C9orf72: variants seen among roughly 807,000 people sequenced by gnomAD.
C9orf72 encodes C9orf72-SMCR8 complex subunit.
Under a neutral mutation model 51.6 loss-of-function variants are expected in C9orf72, and 44 were observed. The ratio of observed to expected loss-of-function variants is 0.85; its 90% CI spans 0.67 to 1.10. The LOEUF (loss-of-function observed/expected upper bound fraction) is 1.10, where lower values mean the gene tolerates loss of function less well. Among genes scored for constraint, C9orf72 ranks in the 50% least tolerant of loss-of-function variants. The pLI is 0.00. For synonymous variants in C9orf72, 213 were observed against 194.2 expected (o/e 1.10, Z -0.81); for missense variants, 607 against 570.6 (o/e 1.06, Z -0.65).
chr9:27,567,105 G>A lies in C9orf72; in HGVS notation c.16C>T (p.Pro6Ser), dbSNP rs752995172. 3.1e-6 allele frequency: 5 copies of A among 1,613,002 alleles called. No homozygotes were observed. The highest frequency in any genetic ancestry group is 4.2e-6 in the Non-Finnish European group (5 of 1,179,404). MSTLCPPPSPAVAKTE... is the reference protein window; with the variant it reads MSTLCSPPSPAVAKTE... ...TTGGCAACAGCTGGAGATGGCGGTG[G>A]GCAAAGAGTCGACATCACTGCATTC... is the stretch of plus-strand genomic sequence containing the variant. Residue 6 changes from proline to serine, a missense_variant, in exon 2 of 11, where the codon CCA (proline) becomes TCA (serine). Pro to Ser is a moderately conservative substitution (Grantham distance 74). Transcript: ENST00000380003.
At position 27,548,395 on chromosome 9, in the gene C9orf72, A is replaced by G; in HGVS notation, c.1287T>C (p.Ser429=). 1 of 1,265,190 alleles carries G rather than the reference A, an allele frequency of 7.9e-7. No homozygotes were observed. Among genetic ancestry groups the G allele is most frequent in the Non-Finnish European group, 1.1e-6 (1 of 918,952 alleles). The allele number at this position is 1,265,190 out of a possible 1,614,324, so 78.4% of individuals were successfully genotyped here. The part of the protein sequence containing the change: ...DTQKGKKPFK[S]LRNLKIDLDL... ...CAAGGTCTATCTTCAGGTTCCGAAG[A>G]GATTTAAAGGGCTTTTTTCCCTTCT... Residue 429 remains serine, a synonymous_variant, in exon 11 of 11, where the codon TCT becomes TCC. Coordinates refer to ENST00000380003, the MANE Select transcript of C9orf72 (RefSeq NM_018325.5).
intron 3 of C9orf72, among the ~76,000 whole-genome samples, chr9:27,565,181 C>T (rs1819437132): frequency 6.6e-6 from 1 of 152,058 alleles, no homozygotes; most frequent in African/African-American, 2.4e-5. Context: ...CCTTCTGTTA[C>T]AGCTACTTCT....
At chr9:27,554,687 G>T (rs894934799) in intron 8 of C9orf72, 2 of 397,742 alleles carry the variant, frequency 5.0e-6, no homozygotes, top group Admixed American at 4.4e-5. Context: ...GCAGTGACTG[G>T]AATTATTTTA....
chr9:27,569,583 T>G (rs1466489706), intron 1 of C9orf72, among the ~76,000 whole-genome samples: 1 of 152,216 alleles, frequency 6.6e-6, no homozygotes, highest in Non-Finnish European at 1.5e-5. Context: ...ACGGCCTAGG[T>G]ACATAAAGGC....
In C9orf72 at chr9:27,562,381, A is replaced by C; in HGVS notation, c.600T>G (p.Asp200Glu). The C allele has an allele frequency of 6.5e-7, 1 of 1,542,292 alleles. No individual in the cohort carries two copies. The highest frequency in any genetic ancestry group is 8.9e-7 in the Non-Finnish European group (1 of 1,128,258). ...TATAATTGCTCTCATTTAAACTTAC[A>C]TCTATTTCTTCAGGAACACTGTGTG... ...MKSHSVPEEI[D>E]IADTVLNDDD... Residue 200 changes from aspartate (D) to glutamate (E), a missense_variant and splice_region_variant, in exon 4 of 11, where the codon GAT becomes GAG. Coordinates refer to ENST00000380003, the MANE Select transcript of C9orf72 (RefSeq NM_018325.5).
At chr9:27,550,575 C>T (rs769281398) in intron 9 of C9orf72, 75 bp downstream of exon 9, 112 of 871,674 alleles carry the variant, frequency 1.3e-4, no homozygotes, top group Non-Finnish European at 2.0e-4. Flanking sequence ...ATATATAGAA[C>T]AGGCATTGTA....
intron 1 of C9orf72, among the ~76,000 whole-genome samples, chr9:27,567,482 C>T (rs185105997): frequency 1.1e-4 from 17 of 152,210 alleles, no homozygotes; most frequent in Middle Eastern, 3.4e-3. Context: ...AGAATAGACC[C>T]GCAGTATTCC....
rs1442207917 is a variant in C9orf72, at chr9:27,546,862, A to G, written c.*1374T>C. The G allele has an allele frequency of 6.6e-6, 1 of 152,208 alleles. No homozygotes were observed. The highest frequency in any genetic ancestry group is 2.4e-5 in the African/African-American group (1 of 41,456). 9.4% of individuals were successfully genotyped at this position (152,208 alleles called of 1,614,324 possible). On this transcript the variant is annotated 3_prime_UTR_variant, in exon 11 of 11. Coordinates refer to ENST00000380003, the MANE Select transcript of C9orf72 (RefSeq NM_018325.5). ...TCTGATTCATGATGGGAAAGCTATT[A>G]TGACCTTTCACATTCGAACATGTCA...
intron 1 of C9orf72, among the ~76,000 whole-genome samples, chr9:27,569,102 T>A (rs1819532810): frequency 6.6e-6 from 1 of 151,820 alleles, no homozygotes; most frequent in Non-Finnish European, 1.5e-5. Flanking sequence ...AAATTTAAAA[T>A]AGAAAATAGA....
intron 8 of C9orf72, among the ~76,000 whole-genome samples, chr9:27,553,530 C>T (rs1451810879): frequency 6.6e-6 from 1 of 152,072 alleles, no homozygotes; most frequent in African/African-American, 2.4e-5. Context: ...GAAACTGGAC[C>T]CCTTCCTTGT....
At chr9:27,568,013 G>A (rs942683900) in intron 1 of C9orf72, among the ~76,000 whole-genome samples, 1 of 146,896 alleles carries the variant, frequency 6.8e-6, no homozygotes, top group Non-Finnish European at 1.5e-5. Context: ...TCAGTTTGTG[G>A]TGCTTTGTTA....
In C9orf72 at chr9:27,567,116, G is replaced by A. The variant is rs149095486; in HGVS notation, c.5C>T (p.Ser2Leu). 2.1e-5 allele frequency: 34 copies of A among 1,611,854 alleles called. No homozygotes were observed. In the Admixed American group the frequency reaches 2.7e-4, roughly 13 times the overall value. The change falls in exon 2 of 11, where the codon TCG (serine) becomes TTG (leucine). Residue 2 changes from serine (S) to leucine (L), a missense_variant. Physicochemically the swap from Ser to Leu is moderately radical, Grantham distance 145. Coordinates refer to ENST00000380003, the MANE Select transcript of C9orf72 (RefSeq NM_018325.5). ...TGGAGATGGCGGTGGGCAAAGAGTC[G>A]ACATCACTGCATTCCAACTGTCACA... M[S>L]TLCPPPSPAV...
chr9:27,563,850 T>C (rs891764905), intron 3 of C9orf72, among the ~76,000 whole-genome samples: 1 of 152,156 alleles, frequency 6.6e-6, no homozygotes, highest in Non-Finnish European at 1.5e-5. Context: ...AATTCACACA[T>C]TCAATCTAAC....
At chr9:27,563,122 G>C (rs947245736) in intron 3 of C9orf72, among the ~76,000 whole-genome samples, 1 of 151,966 alleles carries the variant, frequency 6.6e-6, no homozygotes, top group Non-Finnish European at 1.5e-5. Context: ...TACCAAATAG[G>C]TAAGGAAAAC....
In C9orf72 at chr9:27,568,329, T is replaced by G. The variant is rs140692594; in HGVS notation, c.-44-1165A>C. ...AGTTCTACACTAAATGGCTAGAATT[T>G]AAAAGCTTTAGTTATTTAGAACACG... On this transcript the variant is annotated intron_variant, in intron 1 of 10. Coordinates refer to ENST00000380003, the MANE Select transcript of C9orf72 (RefSeq NM_018325.5). 6.3e-4 allele frequency among the ~76,000 whole-genome samples: 96 copies of G among 152,292 alleles called. 1 individual carries two copies. Among genetic ancestry groups the G allele is most frequent in the African/African-American group, 2.0e-3 (84 of 41,548 alleles).
chr9:27,561,387 C>A (rs1819342524), intron 5 of C9orf72, 198 bp downstream of exon 5: 2 of 1,310,596 alleles, frequency 1.5e-6, no homozygotes, highest in South Asian at 2.0e-5. Context: ...CTTTAAATAG[C>A]AAATGGAATA....
At chr9:27,553,108 T>A (rs146749372) in intron 8 of C9orf72, among the ~76,000 whole-genome samples, 178 of 152,226 alleles carry the variant, frequency 1.2e-3, no homozygotes, top group African/African-American at 4.2e-3. Context: ...TATTCATAGA[T>A]AGGAAGAATT....
rs187128022 is a variant in C9orf72, at chr9:27,562,606, T to C, written c.505-130A>G. On this transcript the variant is annotated intron_variant, in intron 3 of 10. Coordinates refer to ENST00000380003, the MANE Select transcript of C9orf72 (RefSeq NM_018325.5). Reference sequence around the variant, plus strand: ...TACTTCGTAATTTGTTCAAACACAGTATCAAACAAGTCTACTACATGTCTA... The same window carrying C: ...TACTTCGTAATTTGTTCAAACACAGCATCAAACAAGTCTACTACATGTCTA... 165 of 449,296 alleles carry C rather than the reference T, an allele frequency of 3.7e-4. 1 individual carries two copies. In the East Asian group the frequency reaches 5.5e-3, roughly 15 times the overall value. 27.8% of individuals were successfully genotyped at this position (449,296 alleles called of 1,614,324 possible). A position where few individuals can be genotyped will look rare whatever the true frequency, so the allele number is the denominator to read the frequency against.
chr9:27,556,912 A>G, intron 7 of C9orf72, 116 bp from the exon 8 acceptor site: 1 of 706,066 alleles, frequency 1.4e-6, no homozygotes, highest in African/African-American at 1.8e-5. Context: ...AATTTATCCT[A>G]AGAAGCTATT....
Sources: gnomAD v4.1 joint callset for allele counts (sites outside exome capture counted in the v4.1 genomes callset) on GRCh38, gnomAD v4.1.1 for gene constraint, MANE v1.5 for transcripts, NCBI Gene and HGNC (gene_info 2026-07-23, HGNC 2026-07-21) for gene names.